Variants in NAAA observed in about 807,000 individuals in gnomAD.
NAAA encodes N-acylethanolamine acid amidase, also known as N-acylethanolamine-hydrolyzing acid amidase.
In NAAA, 39 loss-of-function variants were observed where a neutral mutation model predicts 44.8. The ratio of observed to expected loss-of-function variants is 0.87; its 90% CI spans 0.67 to 1.14. NAAA has a LOEUF of 1.14. NAAA is among the 50% of genes most tolerant of loss of function. NAAA has a pLI of 0.00. For synonymous variants in NAAA, 178 were observed against 191.3 expected (o/e 0.93, Z 0.58); for missense variants, 460 against 467.8 (o/e 0.98, Z 0.15).
chr4:75,940,995 C>G lies in NAAA; in HGVS notation c.-46G>C. On this transcript the variant is annotated 5_prime_UTR_variant, in exon 1 of 11. Coordinates refer to ENST00000286733, the MANE Select transcript of NAAA (RefSeq NM_014435.4). ...CAACTTGGAGACCTGCAGCCGCTGT[C>G]GGAGCCCGGGTAAGCCGTGGAGGAG... 2.1e-6 allele frequency: 3 copies of G among 1,430,560 alleles called. No individual in the cohort carries two copies. The highest frequency in any genetic ancestry group is 2.7e-6 in the Non-Finnish European group (3 of 1,101,844). The allele number at this position is 1,430,560 out of a possible 1,614,324, so 88.6% of individuals were successfully genotyped here. A position where few individuals can be genotyped will look rare whatever the true frequency, so the allele number is the denominator to read the frequency against.
rs35739236 is a variant in NAAA at position 75,916,778 on chromosome 4, CTT to C, written c.999-1795_999-1794del. Reference sequence around the variant, plus strand: ...TTTTTAAAAGATATATTCATCACTTCTTTTTTTTTTTTTTTTTTTTTTTTTTT... The same window carrying C: ...TTTTTAAAAGATATATTCATCACTTCTTTTTTTTTTTTTTTTTTTTTTTTT... On this transcript the variant is annotated intron_variant, in intron 9 of 10. Coordinates refer to ENST00000286733, the MANE Select transcript of NAAA (RefSeq NM_014435.4). 1.4e-3 allele frequency among the ~76,000 whole-genome samples: 110 copies of C among 76,968 alleles called. 2 individuals carry two copies. Among genetic ancestry groups the C allele is most frequent in the South Asian group, 2.0e-3 (3 of 1,526 alleles). 50.5% of individuals were successfully genotyped at this position (76,968 alleles called of 152,430 possible). A position where few individuals can be genotyped will look rare whatever the true frequency, so the allele number is the denominator to read the frequency against.
chr4:75,914,901 G>C lies in NAAA; in HGVS notation c.*3C>G. 1 of 1,613,978 alleles carries C rather than the reference G, an allele frequency of 6.2e-7. No homozygotes were observed. Among genetic ancestry groups the C allele is most frequent in the Non-Finnish European group, 8.5e-7 (1 of 1,179,930 alleles). On this transcript the variant is annotated 3_prime_UTR_variant, in exon 10 of 11. Transcript: ENST00000286733. ...GCACGGGCGAACTCGCTCTTCTGCT[G>C]ACTTACTTTCTACTCGGGTTTCTGA...
intron 1 of NAAA, 188 bp from the exon 2 acceptor site, chr4:75,940,353 G>C (rs974221799): frequency 1.6e-6 from 1 of 617,946 alleles, no homozygotes; most frequent in Non-Finnish European, 2.7e-6. Context: ...GAAGGGGGCG[G>C]GGGGAAGGCG....
At position 75,913,745 on chromosome 4, in the gene NAAA, T is replaced by C. The variant is rs530381967; in HGVS notation, c.*630A>G. On this transcript the variant is annotated 3_prime_UTR_variant, in exon 11 of 11. Transcript: ENST00000286733. ...TATGTGACATTAAGAAATAATTTGG[T>C]TGCATATTATTTTCAAAAAGCAGTA... 1.0e-6 allele frequency: 1 copy of C among 980,432 alleles called. No homozygotes were observed. The highest frequency in any genetic ancestry group is 1.7e-5 in the African/African-American group (1 of 57,184). The allele number at this position is 980,432 out of a possible 1,614,324, so 60.7% of individuals were successfully genotyped here. A position where few individuals can be genotyped will look rare whatever the true frequency, so the allele number is the denominator to read the frequency against.
In NAAA at chr4:75,919,838, G is replaced by C. The variant is rs755184121; in HGVS notation, c.969+71C>G. 4 of 1,387,666 alleles carry C rather than the reference G, an allele frequency of 2.9e-6. No individual in the cohort carries two copies. The African/African-American group carries it at 5.7e-5, about 20-fold the overall frequency. 86.0% of individuals were successfully genotyped at this position (1,387,666 alleles called of 1,614,324 possible). ...TTTTCATCTACCAGAAGATTTCACG[G>C]AGTTTTTCATATTCACTATTAACAA... On this transcript the variant is annotated intron_variant, in intron 8 of 10. Coordinates refer to ENST00000286733, the MANE Select transcript of NAAA (RefSeq NM_014435.4).
chr4:75,938,270 T>C (rs181899335), intron 2 of NAAA, among the ~76,000 whole-genome samples: 24 of 152,360 alleles, frequency 1.6e-4, no homozygotes, highest in African/African-American at 5.1e-4. Context: ...AATGGTGCTA[T>C]TAGGCAATTC....
At chr4:75,921,646 C>T (rs1337222904) in intron 5 of NAAA, among the ~76,000 whole-genome samples, 1 of 152,134 alleles carries the variant, frequency 6.6e-6, no homozygotes, top group African/African-American at 2.4e-5. Context: ...GTAGGGGTCC[C>T]ATCCTCACCA....
chr4:75,935,369 C>T (rs1482668244), intron 3 of NAAA: 1 of 152,178 alleles, frequency 6.6e-6, no homozygotes, highest in African/African-American at 2.4e-5. Flanking sequence ...TACAGCAAAA[C>T]ATGCTTTGCG....
At chr4:75,919,714 G>A in intron 8 of NAAA, 195 bp downstream of exon 8, 1 of 612,372 alleles carries the variant, frequency 1.6e-6, no homozygotes, top group Non-Finnish European at 2.9e-6. Flanking sequence ...TCCTGACCTC[G>A]TGATCTGCCT....
At chr4:75,921,567 G>A (rs1726165388) in intron 5 of NAAA, among the ~76,000 whole-genome samples, 1 of 152,254 alleles carries the variant, frequency 6.6e-6, no homozygotes, top group Admixed American at 6.5e-5. Context: ...AGACAGAAAA[G>A]TCAACAACCA....
At chr4:75,915,582 C>T (rs1055160060) in intron 9 of NAAA, among the ~76,000 whole-genome samples, 1 of 152,140 alleles carries the variant, frequency 6.6e-6, no homozygotes, top group Non-Finnish European at 1.5e-5. Context: ...AAAACACAAA[C>T]CCTGGAAGTG....
chr4:75,912,633 G>T (rs1289982253), downstream of NAAA, among the ~76,000 whole-genome samples: 1 of 152,104 alleles, frequency 6.6e-6, no homozygotes, highest in Non-Finnish European at 1.5e-5. Context: ...AATAAGCTGG[G>T]CATAGTGGCA....
chr4:75,939,918 C>G, intron 2 of NAAA, 83 bp downstream of exon 2: 3 of 1,521,726 alleles, frequency 2.0e-6, no homozygotes, highest in Non-Finnish European at 2.7e-6. Context: ...TTTTATCACA[C>G]GGAAAATATG....
intron 3 of NAAA, among the ~76,000 whole-genome samples, chr4:75,932,559 T>C (rs1727321728): frequency 1.3e-5 from 2 of 152,100 alleles, no homozygotes; most frequent in Non-Finnish European, 2.9e-5. Flanking sequence ...CACGACTCAC[T>C]GCAGCCTCGA....
rs1237970697 is a variant in NAAA, at chr4:75,940,595, G to A, written c.206+149C>T. 8.9e-6 allele frequency: 8 copies of A among 901,810 alleles called. 1 individual carries two copies. The Middle Eastern group carries it at 1.0e-3, about 118-fold the overall frequency. 55.9% of individuals were successfully genotyped at this position (901,810 alleles called of 1,614,324 possible). ...TGCCGCGCTGGATTCTCCCCAACCC[G>A]GACGCTGCTCAGGGCGGCAGCCAAA... On this transcript the variant is annotated intron_variant, in intron 1 of 10. Transcript: ENST00000286733.
intron 2 of NAAA, chr4:75,939,792 G>T: frequency 1.7e-6 from 1 of 579,006 alleles, no homozygotes. Context: ...GGAAAGTTTA[G>T]TGTTGAATCG....
At chr4:75,916,268 C>T (rs1039087136) in intron 9 of NAAA, among the ~76,000 whole-genome samples, 2 of 152,150 alleles carry the variant, frequency 1.3e-5, no homozygotes, top group East Asian at 1.9e-4. Context: ...ACACTTATTT[C>T]TATTAACCTA....
At chr4:75,934,627 A>G (rs1393852774) in intron 3 of NAAA, among the ~76,000 whole-genome samples, 1 of 152,004 alleles carries the variant, frequency 6.6e-6, no homozygotes, top group Non-Finnish European at 1.5e-5. Flanking sequence ...GCGCCCAGCC[A>G]AAAATACTTT....
intron 3 of NAAA, among the ~76,000 whole-genome samples, chr4:75,933,362 A>G (rs1401304166): frequency 6.6e-6 from 1 of 152,108 alleles, no homozygotes; most frequent in Non-Finnish European, 1.5e-5. Context: ...TTAGCTTTAT[A>G]AATGACCTCA....
Sources: allele counts gnomAD v4.1 joint callset (sites outside exome capture counted in the v4.1 genomes callset), GRCh38; gene constraint gnomAD v4.1.1; transcripts MANE v1.5; gene names NCBI Gene and HGNC (gene_info 2026-07-23, HGNC 2026-07-21).